The following CCSER1 variants were observed in gnomAD, a reference collection of about 807,000 sequenced individuals.
CCSER1 encodes coiled-coil serine rich protein 1.
CCSER1 carries 41 observed loss-of-function variants against 82.0 expected under a neutral mutation model. The observed-to-expected ratio is 0.50, with a 90% CI of 0.39 to 0.65. The LOEUF is 0.65. Ranked by LOEUF, CCSER1 falls within the 30% of genes least tolerant of loss-of-function variation. The pLI, the probability that CCSER1 is intolerant of heterozygous loss-of-function variation, is 0.00. For missense variants in CCSER1, 1,119 were observed against 1,064.2 expected (o/e 1.05, Z -0.72); for synonymous variants, 414 against 383.9 (o/e 1.08, Z -0.92).
intron 4 of CCSER1, among the ~76,000 whole-genome samples, chr4:90,467,320 G>C (rs1288301521): frequency 6.6e-6 from 1 of 152,012 alleles, no homozygotes; most frequent in African/African-American, 2.4e-5. Context: ...GGAGGCAGAG[G>C]TTGTGTTGAG....
At chr4:91,416,615 AT>A (rs1454933264) in intron 10 of CCSER1, among the ~76,000 whole-genome samples, 7 of 152,226 alleles carry the variant, frequency 4.6e-5, no homozygotes, top group African/African-American at 1.7e-4. Flanking sequence ...AGGATTCCCT[AT>A]TTAATAAGTG....
At chr4:90,237,366 T>G (rs1745993219) in intron 1 of CCSER1, among the ~76,000 whole-genome samples, 1 of 152,180 alleles carries the variant, frequency 6.6e-6, no homozygotes, top group Non-Finnish European at 1.5e-5. Context: ...AAGAACTTTC[T>G]GTGCTGTGCT....
chr4:90,179,383 A>G (rs1247409748), intron 1 of CCSER1, among the ~76,000 whole-genome samples: 2 of 152,172 alleles, frequency 1.3e-5, no homozygotes, highest in East Asian at 1.9e-4. Flanking sequence ...TTTCCGAAGT[A>G]TAATTTTTTT....
intron 10 of CCSER1, among the ~76,000 whole-genome samples, chr4:91,170,743 A>G (rs568630653): frequency 6.6e-6 from 1 of 152,206 alleles, no homozygotes. Context: ...GGAGAAATTC[A>G]TACCACTTAA....
chr4:90,478,810 G>A lies in CCSER1; in HGVS notation c.1724+10456G>A, dbSNP rs1316428628. ...GGCTGGAGTTCAGTGGCGCAATCTC[G>A]GCTCACTGCAACCTCCACCTCCCAG... On this transcript the variant is annotated intron_variant, in intron 5 of 10. Coordinates refer to ENST00000509176, the MANE Select transcript of CCSER1 (RefSeq NM_001145065.2). 4.7e-5 allele frequency among the ~76,000 whole-genome samples: 7 copies of A among 149,458 alleles called. No individual in the cohort carries two copies. In the East Asian group the frequency reaches 5.9e-4, roughly 13 times the overall value.
intron 1 of CCSER1, among the ~76,000 whole-genome samples, chr4:90,268,786 C>T (rs1031391962): frequency 6.6e-6 from 1 of 151,978 alleles, no homozygotes; most frequent in Non-Finnish European, 1.5e-5. Flanking sequence ...ACCAAACGAT[C>T]TGTTGCCTAC....
intron 5 of CCSER1, among the ~76,000 whole-genome samples, chr4:90,594,152 A>C (rs184961201): frequency 6.4e-4 from 98 of 152,160 alleles, no homozygotes; most frequent in Middle Eastern, 3.4e-3. Context: ...AAAGGAAAAA[A>C]AAAACAAGCT....
rs543896517 is a variant in CCSER1 at position 91,067,826 on chromosome 4, T to C, written c.2173-18124T>C. The stretch of plus-strand genomic sequence containing the variant: ...ATACCTTTTGTAATGAGTTATCTGC[T>C]ATAGAGAGTAACTAGTCCTCTAAGC... On this transcript the variant is annotated intron_variant, in intron 9 of 10. Transcript: ENST00000509176. 3.3e-5 allele frequency among the ~76,000 whole-genome samples: 5 copies of C among 152,350 alleles called. No individual in the cohort carries two copies. The South Asian group carries it at 1.0e-3, about 32-fold the overall frequency.
Position 90,603,002 on chromosome 4 carries a change from G to A in CCSER1, c.1725-25023G>A, listed in dbSNP as rs148759912. Among the ~76,000 whole-genome samples, 709 of 152,292 alleles carry A rather than the reference G, an allele frequency of 4.7e-3. 6 individuals carry two copies. The highest frequency in any genetic ancestry group is 0.016 in the African/African-American group (666 of 41,562). On this transcript the variant is annotated intron_variant, in intron 5 of 10. Transcript: ENST00000509176. ...AGTACCATGGAAAGTAAGCAGATCT[G>A]TTCCTTGACCTGGAGAAGCTTTGAC...
chr4:90,695,732 A>G (rs1708239694), intron 6 of CCSER1, among the ~76,000 whole-genome samples: 1 of 152,072 alleles, frequency 6.6e-6, no homozygotes, highest in Non-Finnish European at 1.5e-5. Context: ...TATTTCATTT[A>G]CTGATATTAT....
chr4:90,819,667 T>A (rs1759485456), intron 8 of CCSER1, among the ~76,000 whole-genome samples: 1 of 152,190 alleles, frequency 6.6e-6, no homozygotes, highest in South Asian at 2.1e-4. Flanking sequence ...TGTGAATGTA[T>A]TTTTGTATTT....
intron 8 of CCSER1, among the ~76,000 whole-genome samples, chr4:90,912,776 T>G (rs6532256): frequency 0.36 from 54,854 of 151,816 alleles, 10,682 homozygotes; most frequent in African/African-American, 0.49. Context: ...GAATAACCAG[T>G]GTAGAGAAGT....
chr4:90,344,728 A>G (rs1486980442), intron 3 of CCSER1, among the ~76,000 whole-genome samples: 1 of 152,090 alleles, frequency 6.6e-6, no homozygotes, highest in Non-Finnish European at 1.5e-5. Context: ...GTACTTATCC[A>G]TCTGCCCTCA....
rs538436819 is a variant in CCSER1, at chr4:91,261,203, C to T, written c.2217+175209C>T. Among the ~76,000 whole-genome samples, 10 of 152,238 alleles carry T rather than the reference C, an allele frequency of 6.6e-5. No homozygotes were observed. In the East Asian group the frequency reaches 1.9e-3, roughly 29 times the overall value. ...ATCCAAATATAGCCATGGTTGAGAG[C>T]CAGTGTTCTAAATGCCTTGCTCCTT... On this transcript the variant is annotated intron_variant, in intron 10 of 10. Transcript: ENST00000509176.
intron 5 of CCSER1, among the ~76,000 whole-genome samples, chr4:90,586,238 A>T (rs943583962): frequency 6.6e-6 from 1 of 151,842 alleles, no homozygotes; most frequent in Non-Finnish European, 1.5e-5. Context: ...TCCTTGTGAG[A>T]CTCCATTATA....
chr4:90,468,383 C>A (rs1320952820), intron 5 of CCSER1, 29 bp downstream of exon 5: 2 of 1,579,692 alleles, frequency 1.3e-6, no homozygotes, highest in Non-Finnish European at 1.7e-6. Context: ...TTTTCAAGGC[C>A]TTGTAAAATC....
intron 10 of CCSER1, among the ~76,000 whole-genome samples, chr4:91,269,628 T>A (rs935118129): frequency 6.6e-6 from 1 of 152,230 alleles, no homozygotes; most frequent in Non-Finnish European, 1.5e-5. Context: ...TATACCATGA[T>A]GGGACCAAGG....
intron 4 of CCSER1, among the ~76,000 whole-genome samples, chr4:90,411,524 A>G (rs190597600): frequency 0.024 from 3,709 of 152,292 alleles, 139 homozygotes; most frequent in African/African-American, 0.083. Flanking sequence ...GACAAAAACC[A>G]CATGATTATC....
At chr4:91,350,755 T>C (rs1267277216) in intron 10 of CCSER1, among the ~76,000 whole-genome samples, 1 of 151,994 alleles carries the variant, frequency 6.6e-6, no homozygotes, top group African/African-American at 2.4e-5. Context: ...TGTATAATTT[T>C]TGGCAAATTC....
Sources: allele counts gnomAD v4.1 joint callset (sites outside exome capture counted in the v4.1 genomes callset), GRCh38; gene constraint gnomAD v4.1.1; transcripts MANE v1.5; gene names NCBI Gene and HGNC (gene_info 2026-07-23, HGNC 2026-07-21).